RALGPS2: variants seen among roughly 807,000 people sequenced by gnomAD.
RALGPS2 encodes Ral GEF with PH domain and SH3 binding motif 2.
A neutral mutation model predicts 86.8 loss-of-function variants in RALGPS2; 43 were observed. The observed-to-expected ratio is 0.50, with a 90% CI of 0.39 to 0.64. The LOEUF (loss-of-function observed/expected upper bound fraction) is 0.64. Among genes scored for constraint, RALGPS2 ranks in the 30% least tolerant of loss-of-function variants. The pLI, the probability that RALGPS2 is intolerant of heterozygous loss-of-function variation, is 0.00. For synonymous variants in RALGPS2, 243 were observed against 231.3 expected (o/e 1.05, Z -0.46); for missense variants, 536 against 694.6 (o/e 0.77, Z 2.57).
intron 1 of RALGPS2, among the ~76,000 whole-genome samples, chr1:178,757,309 A>G (rs754894007): frequency 5.9e-5 from 9 of 152,058 alleles, no homozygotes; most frequent in African/African-American, 1.2e-4. Context: ...CTCTTGTGCA[A>G]TTGTTCTGAC....
intron 14 of RALGPS2, 53 bp from the exon 15 acceptor site, chr1:178,892,177 C>A: frequency 6.8e-7 from 1 of 1,460,656 alleles, no homozygotes; most frequent in Non-Finnish European, 9.6e-7. Context: ...TTGATAATGA[C>A]TGTGTGAATA....
intron 1 of RALGPS2, among the ~76,000 whole-genome samples, chr1:178,739,316 G>A (rs1394962568): frequency 6.6e-6 from 1 of 152,112 alleles, no homozygotes; most frequent in Non-Finnish European, 1.5e-5. Context: ...TAAAAGTATT[G>A]TTGTTCATGT....
chr1:178,892,275 A>C lies in RALGPS2; in HGVS notation c.1293A>C (p.Arg431=). Residue 431 remains arginine (R), a synonymous_variant, in exon 15 of 20, where the codon CGA becomes CGC. Transcript: ENST00000367635. The part of the protein sequence containing the change: ...HSLGPVTRVA[R]NGYRSHMKAS... ...TCGGCCCGGTGACAAGAGTGGCACG[A>C]AATGGCTATCGAAGTCACATGAAGG... 2 of 1,612,816 alleles carry C rather than the reference A, an allele frequency of 1.2e-6. No individual in the cohort carries two copies. The highest frequency in any genetic ancestry group is 1.3e-5 in the African/African-American group (1 of 74,968).
chr1:178,849,929 T>C (rs80350662), intron 8 of RALGPS2: 3 of 152,316 alleles, frequency 2.0e-5, no homozygotes, highest in African/African-American at 4.8e-5. Context: ...TTCACAAATA[T>C]ATTAAGGCAA....
chr1:178,861,677 T>G (rs1658021456), intron 8 of RALGPS2, among the ~76,000 whole-genome samples: 1 of 152,178 alleles, frequency 6.6e-6, no homozygotes, highest in Non-Finnish European at 1.5e-5. Context: ...TTAAAAAAAT[T>G]CACACAGCTC....
intron 1 of RALGPS2, among the ~76,000 whole-genome samples, chr1:178,736,414 G>A (rs528609079): frequency 1.3e-5 from 2 of 151,904 alleles, no homozygotes; most frequent in East Asian, 1.9e-4. Flanking sequence ...CAGCCACCTC[G>A]GCCTCCCAAA....
intron 17 of RALGPS2, 27 bp from the exon 18 acceptor site, chr1:178,902,079 T>G: frequency 6.5e-7 from 1 of 1,547,356 alleles, no homozygotes; most frequent in Non-Finnish European, 8.9e-7. Context: ...ATTTTCTGTT[T>G]CCGCTAATTA....
At chr1:178,837,423 C>G (rs969336316) in intron 8 of RALGPS2, among the ~76,000 whole-genome samples, 1 of 152,188 alleles carries the variant, frequency 6.6e-6, no homozygotes, top group Non-Finnish European at 1.5e-5. Flanking sequence ...AGTATTGACA[C>G]TGCGGTACCA....
At chr1:178,883,190 T>C (rs911460904) in intron 10 of RALGPS2, among the ~76,000 whole-genome samples, 3 of 152,140 alleles carry the variant, frequency 2.0e-5, no homozygotes, top group African/African-American at 7.2e-5. Flanking sequence ...AACATCTTAA[T>C]TAAAAATTGC....
chr1:178,839,311 C>T (rs937830121), intron 8 of RALGPS2, among the ~76,000 whole-genome samples: 1 of 152,244 alleles, frequency 6.6e-6, no homozygotes, highest in Non-Finnish European at 1.5e-5. Flanking sequence ...AACAGCAGAT[C>T]TCTCTGCAGA....
At chr1:178,826,623 G>T (rs1258575676) in intron 7 of RALGPS2, among the ~76,000 whole-genome samples, 1 of 152,112 alleles carries the variant, frequency 6.6e-6, no homozygotes, top group Non-Finnish European at 1.5e-5. Context: ...AAAACTTTTG[G>T]ATATGGATGT....
At chr1:178,889,876 A>T (rs1471019933) in intron 14 of RALGPS2, among the ~76,000 whole-genome samples, 180 bp downstream of exon 14, 3 of 152,000 alleles carry the variant, frequency 2.0e-5, no homozygotes, top group Non-Finnish European at 4.4e-5. Context: ...AATGAATGAT[A>T]GTCTTATCTC....
At chr1:178,747,767 G>A (rs754929848) in intron 1 of RALGPS2, 17 of 871,934 alleles carry the variant, frequency 1.9e-5, no homozygotes, top group Non-Finnish European at 2.8e-5. Context: ...CAGCAGGAGC[G>A]AGCTGGTGCG....
chr1:178,774,964 T>G (rs1653003408), intron 1 of RALGPS2, among the ~76,000 whole-genome samples: 1 of 152,202 alleles, frequency 6.6e-6, no homozygotes, highest in African/African-American at 2.4e-5. Flanking sequence ...TGTTTGCAAT[T>G]AGGATTTTTA....
intron 1 of RALGPS2, among the ~76,000 whole-genome samples, chr1:178,758,321 G>T (rs1370692280): frequency 6.6e-6 from 1 of 151,818 alleles, no homozygotes; most frequent in African/African-American, 2.4e-5. Context: ...CTTTGATAGA[G>T]GCATACAGTG....
intron 6 of RALGPS2, among the ~76,000 whole-genome samples, chr1:178,816,865 C>T (rs1273581542): frequency 2.0e-5 from 3 of 151,836 alleles, no homozygotes; most frequent in East Asian, 2.0e-4. Flanking sequence ...TGCACCACCA[C>T]GCCCAGCTAA....
intron 8 of RALGPS2, among the ~76,000 whole-genome samples, chr1:178,860,177 AAG>A (rs1657902287): frequency 6.6e-6 from 1 of 150,548 alleles, no homozygotes; most frequent in Admixed American, 6.6e-5. Flanking sequence ...CTATTTGTAA[AAG>A]AGTAATTTTT....
intron 8 of RALGPS2, chr1:178,852,669 T>G: frequency 6.3e-7 from 1 of 1,599,694 alleles, no homozygotes; most frequent in South Asian, 1.1e-5. Context: ...AGAATGAAAG[T>G]TTTTCATACT....
At chr1:178,865,035 C>A (rs1322552603) in intron 8 of RALGPS2, 1 of 1,491,526 alleles carries the variant, frequency 6.7e-7, no homozygotes, top group Admixed American at 2.4e-5. Flanking sequence ...GGCATTAAAT[C>A]TCTGGGATAA....
Sources: gnomAD v4.1 joint callset for allele counts (sites outside exome capture counted in the v4.1 genomes callset) on GRCh38, gnomAD v4.1.1 for gene constraint, MANE v1.5 for transcripts, NCBI Gene and HGNC (gene_info 2026-07-23, HGNC 2026-07-21) for gene names.